Variants in OAS2 observed in about 807,000 individuals in gnomAD.
OAS2 encodes the protein 2'-5'-oligoadenylate synthetase 2.
In OAS2, 67 loss-of-function variants were observed where a neutral mutation model predicts 71.3. The observed-to-expected ratio is 0.94, with a 90% CI of 0.77 to 1.15. The LOEUF (loss-of-function observed/expected upper bound fraction) is 1.15. Ranked by LOEUF, OAS2 falls within the 50% of genes most tolerant of loss-of-function variation. The pLI, the probability that OAS2 is intolerant of heterozygous loss-of-function variation, is 0.00. For missense variants in OAS2, 789 were observed against 822.5 expected (o/e 0.96, Z 0.50); for synonymous variants, 327 against 321.8 (o/e 1.02, Z -0.17).
At chr12:112,993,795 G>A (rs901134076) in intron 2 of OAS2, among the ~76,000 whole-genome samples, 3 of 152,052 alleles carry the variant, frequency 2.0e-5, no homozygotes, top group African/African-American at 7.2e-5. Context: ...CTTGAGCCTT[G>A]AAATATATTT....
intron 1 of OAS2, among the ~76,000 whole-genome samples, chr12:112,979,843 C>T (rs772425746): frequency 1.3e-5 from 2 of 152,178 alleles, no homozygotes; most frequent in Non-Finnish European, 2.9e-5. Flanking sequence ...TGTTTTTAAA[C>T]GTTTTACAAT....
chr12:112,980,264 C>A (rs2044067678), intron 1 of OAS2, among the ~76,000 whole-genome samples: 1 of 152,160 alleles, frequency 6.6e-6, no homozygotes, highest in Non-Finnish European at 1.5e-5. Flanking sequence ...CAGTTCAGAT[C>A]TTCTCTTCTA....
At chr12:112,986,891 C>T (rs2044142153) in intron 1 of OAS2, 147 bp from the exon 2 acceptor site, 3 of 1,036,458 alleles carry the variant, frequency 2.9e-6, no homozygotes, top group Non-Finnish European at 4.2e-6. Flanking sequence ...GCATCCCAAT[C>T]AGGTCTTTGT....
At chr12:112,989,170 T>C (rs2136381119) in intron 2 of OAS2, among the ~76,000 whole-genome samples, 1 of 152,324 alleles carries the variant, frequency 6.6e-6, no homozygotes, top group Non-Finnish European at 1.5e-5. Flanking sequence ...CATGCTGTTC[T>C]CATGATAATG....
intron 8 of OAS2, among the ~76,000 whole-genome samples, chr12:113,007,463 C>T (rs2044344322): frequency 6.6e-6 from 1 of 152,184 alleles, no homozygotes; most frequent in African/African-American, 2.4e-5. Flanking sequence ...CAGTGGGTTT[C>T]TAGTAAACTG....
chr12:112,989,438 G>A lies in OAS2; in HGVS notation c.448+2130G>A, dbSNP rs183864102. Among the ~76,000 whole-genome samples the A allele has an allele frequency of 1.5e-3, 229 of 152,348 alleles. 1 individual carries two copies. Among genetic ancestry groups the A allele is most frequent in the Non-Finnish European group, 2.3e-3 (155 of 68,036 alleles). The stretch of plus-strand genomic sequence containing the variant: ...ATGAGACATCAATCAATGCAGGTAA[G>A]ATGTACATTGGTTTGGTTTGGAAAG... On this transcript the variant is annotated intron_variant, in intron 2 of 9. Transcript: ENST00000392583.
chr12:113,003,089 T>C lies in OAS2; in HGVS notation c.1166T>C (p.Ile389Thr), dbSNP rs2044303796. ...ENCFRQSTAK[I>T]QIVRGGSTAK... ...TGCTTCCGACAATCAACAGCCAAGA[T>C]CCAGATTGTCCGGGTGAGCACTGGC... Residue 389 changes from isoleucine to threonine, a missense_variant, in exon 6 of 10, where the codon ATC becomes ACC. Transcript: ENST00000392583. The C allele has an allele frequency of 1.2e-6, 2 of 1,614,134 alleles. No homozygotes were observed. Among genetic ancestry groups the C allele is most frequent in the Non-Finnish European group, 1.7e-6 (2 of 1,179,990 alleles).
Position 112,990,935 on chromosome 12 carries a change from G to A in OAS2, c.448+3627G>A, listed in dbSNP as rs139528777. Among the ~76,000 whole-genome samples, 410 of 152,296 alleles carry A rather than the reference G, an allele frequency of 2.7e-3. 1 individual carries two copies. The highest frequency in any genetic ancestry group is 9.0e-3 in the African/African-American group (375 of 41,568). On this transcript the variant is annotated intron_variant, in intron 2 of 9. Transcript: ENST00000392583. Reference sequence around the variant, plus strand: ...TTGGGGGTTCCCCTTGGCCAAGAGAGGGGTTCATTCAGTAGGTTGGGAAGG... The same window carrying A: ...TTGGGGGTTCCCCTTGGCCAAGAGAAGGGTTCATTCAGTAGGTTGGGAAGG...
intron 2 of OAS2, among the ~76,000 whole-genome samples, chr12:112,989,014 T>G (rs375401651): frequency 1.3e-5 from 2 of 152,194 alleles, no homozygotes; most frequent in African/African-American, 4.8e-5. Flanking sequence ...GTACCCAAAG[T>G]GCTCAGGGTA....
At chr12:113,009,035 C>G in intron 9 of OAS2, 52 bp from the exon 10 acceptor site, 2 of 1,576,142 alleles carry the variant, frequency 1.3e-6, no homozygotes, top group African/African-American at 1.4e-5. Context: ...ACCCCAAATT[C>G]TGAAGTCACT....
At position 113,009,357 on chromosome 12, in the gene OAS2, A is replaced by G. The variant is rs942231065; in HGVS notation, c.*102A>G. On this transcript the variant is annotated 3_prime_UTR_variant, in exon 10 of 10. Transcript: ENST00000392583. The stretch of plus-strand genomic sequence containing the variant: ...ACTCAGACACAAATAAAGGAAACCC[A>G]GCTCACAGGAGCTTAAACAGCTGGT... The G allele has an allele frequency of 3.9e-6, 6 of 1,531,980 alleles. No individual in the cohort carries two copies. The Admixed American group carries it at 1.3e-4, about 33-fold the overall frequency. The allele number at this position is 1,531,980 out of a possible 1,614,324, so 94.9% of individuals were successfully genotyped here.
intron 1 of OAS2, among the ~76,000 whole-genome samples, chr12:112,980,310 A>G (rs957098489): frequency 1.3e-5 from 2 of 152,304 alleles, no homozygotes; most frequent in East Asian, 1.9e-4. Flanking sequence ...ATTGTTAACT[A>G]TAGTCACCCC....
At chr12:112,986,292 C>T (rs1192294307) in intron 1 of OAS2, among the ~76,000 whole-genome samples, 1 of 152,100 alleles carries the variant, frequency 6.6e-6, no homozygotes, top group Admixed American at 6.5e-5. Flanking sequence ...GCTGGTGTGT[C>T]CAGGTGGGCA....
At chr12:112,998,455 G>C in intron 5 of OAS2, 45 bp downstream of exon 5, 1 of 1,584,572 alleles carries the variant, frequency 6.3e-7, no homozygotes. Flanking sequence ...CTGCAGGAAG[G>C]TCTTCCTGAC....
chr12:112,997,584 A>G lies in OAS2; in HGVS notation c.692A>G (p.Tyr231Cys). 1 of 1,614,176 alleles carries G rather than the reference A, an allele frequency of 6.2e-7. No homozygotes were observed. The highest frequency in any genetic ancestry group is 8.5e-7 in the Non-Finnish European group (1 of 1,180,012). The change falls in exon 4 of 10, where the codon TAT becomes TGT. Residue 231 changes from tyrosine (Y) to cysteine (C), a missense_variant. Coordinates refer to ENST00000392583, the MANE Select transcript of OAS2 (RefSeq NM_002535.3). Reference protein sequence around the residue: ...SPYALELLTVYAWEQGCRKDN... With the variant: ...SPYALELLTVCAWEQGCRKDN... ...TATGCCCTGGAGCTGCTTACGGTGTATGCCTGGGAACAGGGGTGCAGAAAA... is the reference window on the plus strand; with the variant it reads ...TATGCCCTGGAGCTGCTTACGGTGTGTGCCTGGGAACAGGGGTGCAGAAAA...
At chr12:112,989,893 A>G (rs1298375018) in intron 2 of OAS2, among the ~76,000 whole-genome samples, 1 of 152,148 alleles carries the variant, frequency 6.6e-6, no homozygotes, top group Non-Finnish European at 1.5e-5. Flanking sequence ...CTCCTCACTC[A>G]CAGCCCATCA....
rs1196756132 is a variant in OAS2 at position 113,007,889 on chromosome 12, A to G, written c.1841A>G (p.Asn614Ser). Residue 614 changes from asparagine to serine, a missense_variant, in exon 9 of 10, where the codon AAC becomes AGC. Coordinates refer to ENST00000392583, the MANE Select transcript of OAS2 (RefSeq NM_002535.3). ...TGCATCTTCTGGAAGGTCAATTACA[A>G]CTTTGAAGATGAGACCGTGAGGAAG... is the stretch of plus-strand genomic sequence containing the variant. ...QLCIFWKVNY[N>S]FEDETVRKFL... The G allele has an allele frequency of 2.5e-6, 4 of 1,614,144 alleles. No individual in the cohort carries two copies. The highest frequency in any genetic ancestry group is 2.5e-6 in the Non-Finnish European group (3 of 1,180,000).
At chr12:112,985,110 G>A (rs2044121072) in intron 1 of OAS2, among the ~76,000 whole-genome samples, 1 of 152,116 alleles carries the variant, frequency 6.6e-6, no homozygotes, top group African/African-American at 2.4e-5. Flanking sequence ...TTGACAGTTT[G>A]ACTATAATAT....
intron 2 of OAS2, chr12:112,988,553 A>G (rs1246095372): frequency 1.1e-6 from 1 of 923,282 alleles, no homozygotes; most frequent in Non-Finnish European, 1.3e-6. Context: ...GTTATAGTTC[A>G]CCATGTACAG....
Sources: gnomAD v4.1 joint callset for allele counts (sites outside exome capture counted in the v4.1 genomes callset) on GRCh38, gnomAD v4.1.1 for gene constraint, MANE v1.5 for transcripts, NCBI Gene and HGNC (gene_info 2026-07-23, HGNC 2026-07-21) for gene names.